KALRN: variants seen among roughly 807,000 people sequenced by gnomAD.
KALRN encodes the protein kalirin RhoGEF kinase.
A neutral mutation model predicts 353.7 loss-of-function variants in KALRN; 70 were observed. That is an observed-to-expected ratio of 0.20 (90% CI 0.16 to 0.24). The LOEUF (loss-of-function observed/expected upper bound fraction) is 0.24, where lower values mean the gene tolerates loss of function less well. Ranked by LOEUF, KALRN falls within the 10% of genes least tolerant of loss-of-function variation. The pLI is 1.00. For missense variants in KALRN, 2,791 were observed against 3,756.7 expected (o/e 0.74, Z 6.72); for synonymous variants, 1,391 against 1,434.8 (o/e 0.97, Z 0.69).
chr3:124,551,380 A>T (rs984485750), intron 33 of KALRN, among the ~76,000 whole-genome samples: 8 of 152,224 alleles, frequency 5.3e-5, no homozygotes, highest in Non-Finnish European at 1.0e-4. Context: ...TGACATGAAG[A>T]TGCTTTAAGA....
rs191211907 is a variant in KALRN, at chr3:124,304,436, C to T, written c.1092+5523C>T. ...AAGTTCCCCAAGTGATCTATATGCA[C>T]GTTAAATCAGAAAACTATTTCTCTA... On this transcript the variant is annotated intron_variant, in intron 6 of 59. Transcript: ENST00000682506. Among the ~76,000 whole-genome samples the T allele has an allele frequency of 1.2e-4, 19 of 152,146 alleles. No individual in the cohort carries two copies. In the East Asian group the frequency reaches 2.7e-3, roughly 22 times the overall value.
intron 17 of KALRN, among the ~76,000 whole-genome samples, chr3:124,438,602 T>A (rs2093560987): frequency 6.7e-6 from 1 of 149,690 alleles, no homozygotes; most frequent in Admixed American, 6.6e-5. Flanking sequence ...ACACTGAAAC[T>A]CCAAAGATAC....
At chr3:124,299,233 C>T (rs2077077358) in intron 6 of KALRN, among the ~76,000 whole-genome samples, 1 of 152,132 alleles carries the variant, frequency 6.6e-6, no homozygotes, top group South Asian at 2.1e-4. Context: ...TTTTGGTCCC[C>T]AGCATGTGTG....
chr3:124,352,071 T>C (rs890769311), intron 10 of KALRN, among the ~76,000 whole-genome samples: 1 of 152,220 alleles, frequency 6.6e-6, no homozygotes, highest in Non-Finnish European at 1.5e-5. Flanking sequence ...TCCCGGGCAC[T>C]GGCGGGAACC....
At chr3:124,449,579 T>G (rs2058579447) in intron 21 of KALRN, among the ~76,000 whole-genome samples, 2 of 152,224 alleles carry the variant, frequency 1.3e-5, no homozygotes, top group African/African-American at 4.8e-5. Context: ...GTTTTTCATT[T>G]TTTACAAATT....
At chr3:124,285,408 C>T (rs545330509) in intron 5 of KALRN, among the ~76,000 whole-genome samples, 1 of 152,138 alleles carries the variant, frequency 6.6e-6, no homozygotes, top group African/African-American at 2.4e-5. Context: ...ATAGTATACA[C>T]TATTATGGTG....
At chr3:124,600,339 A>C (rs983395497) in intron 34 of KALRN, among the ~76,000 whole-genome samples, 2 of 152,226 alleles carry the variant, frequency 1.3e-5, no homozygotes, top group Non-Finnish European at 2.9e-5. Flanking sequence ...TTCCAAAGTC[A>C]CAGATCCTTG....
chr3:124,136,489 T>TG (rs1553784714), intron 1 of KALRN, among the ~76,000 whole-genome samples: 103 of 149,948 alleles, frequency 6.9e-4, no homozygotes, highest in African/African-American at 2.4e-3. Flanking sequence ...ATTGCCAAGG[T>TG]CCCCCCCCCA....
At chr3:124,633,272 G>A (rs1017157083) in intron 35 of KALRN, among the ~76,000 whole-genome samples, 1 of 152,228 alleles carries the variant, frequency 6.6e-6, no homozygotes, top group Non-Finnish European at 1.5e-5. Context: ...CGCCCATACT[G>A]GAAGGTTTGA....
intron 9 of KALRN, among the ~76,000 whole-genome samples, chr3:124,337,326 C>T (rs1293691561): frequency 1.1e-5 from 1 of 93,954 alleles, no homozygotes; most frequent in Non-Finnish European, 2.1e-5. Flanking sequence ...TTTTGAGATA[C>T]CTAGTTTATT....
intron 39 of KALRN, among the ~76,000 whole-genome samples, chr3:124,656,287 A>C (rs1052321772): frequency 5.9e-5 from 9 of 151,986 alleles, no homozygotes; most frequent in Non-Finnish European, 1.5e-5. Flanking sequence ...TTAGAGCCCT[A>C]TTGTTAATCA....
chr3:124,197,817 A>G (rs551661118), intron 1 of KALRN, among the ~76,000 whole-genome samples: 9 of 152,234 alleles, frequency 5.9e-5, no homozygotes, highest in African/African-American at 2.2e-4. Flanking sequence ...TGTTCCTTCT[A>G]TCTGCCAGGT....
intron 37 of KALRN, among the ~76,000 whole-genome samples, chr3:124,648,197 T>C (rs1233801210): frequency 1.3e-5 from 2 of 152,200 alleles, no homozygotes; most frequent in East Asian, 3.8e-4. Flanking sequence ...CTTGAATTAT[T>C]ACAAGCATTA....
Position 124,555,093 on chromosome 3 carries a change from G to A in KALRN, c.4936-7750G>A, listed in dbSNP as rs139589329. ...CTTCCTGTTTTAGCCCCACCTGTAG[G>A]TCCATCCTCAGTGCCGTCTGGTGCT... On this transcript the variant is annotated intron_variant, in intron 33 of 59. Transcript: ENST00000682506. Among the ~76,000 whole-genome samples the A allele has an allele frequency of 5.3e-3, 805 of 152,206 alleles. 5 individuals carry two copies. The highest frequency in any genetic ancestry group is 6.8e-3 in the Middle Eastern group (2 of 294).
chr3:124,672,035 GCCT>G, intron 48 of KALRN, 137 bp downstream of exon 48: 2 of 711,672 alleles, frequency 2.8e-6, no homozygotes, highest in Non-Finnish European at 5.0e-6. Context: ...TGCAACCTCC[GCCT>G]CCCAGGTTCA....
intron 36 of KALRN, among the ~76,000 whole-genome samples, chr3:124,636,420 A>G (rs1204837563): frequency 1.3e-5 from 2 of 152,170 alleles, no homozygotes; most frequent in Non-Finnish European, 2.9e-5. Context: ...AAACAACCAC[A>G]TGGACAACTC....
intron 34 of KALRN, among the ~76,000 whole-genome samples, chr3:124,596,423 C>T (rs941193646): frequency 4.6e-5 from 7 of 151,964 alleles, no homozygotes; most frequent in African/African-American, 9.7e-5. Context: ...GCCAAAATCG[C>T]GCCATTGCAC....
rs56106611 is a variant in KALRN, at chr3:124,658,479, T to G, written c.6085T>G (p.Ser2029Ala). The change falls in exon 42 of 60, where the codon TCA becomes GCA. Residue 2029 changes from serine to alanine, a missense_variant. Coordinates refer to ENST00000682506, the MANE Select transcript of KALRN (RefSeq NM_001388419.1). Reference sequence around the variant, plus strand: ...GTGGTATTGTCAGAATAAGCCGCGCTCAGAGTACATCGTTGCTGAGTATGA... The same window carrying G: ...GTGGTATTGTCAGAATAAGCCGCGCGCAGAGTACATCGTTGCTGAGTATGA... ...YVWYCQNKPR[S>A]EYIVAEYDAY... The G allele has an allele frequency of 0.012, 19,000 of 1,614,064 alleles. 161 individuals carry two copies. The highest frequency in any genetic ancestry group is 0.014 in the Non-Finnish European group (17,047 of 1,179,916).
intron 34 of KALRN, among the ~76,000 whole-genome samples, chr3:124,620,573 G>T (rs1474234869): frequency 6.6e-6 from 1 of 152,220 alleles, no homozygotes; most frequent in East Asian, 1.9e-4. Flanking sequence ...AAGAGCAGCA[G>T]ATCTGCTTTC....
Sources: gnomAD v4.1 joint callset for allele counts (sites outside exome capture counted in the v4.1 genomes callset) on GRCh38, gnomAD v4.1.1 for gene constraint, MANE v1.5 for transcripts, NCBI Gene and HGNC (gene_info 2026-07-23, HGNC 2026-07-21) for gene names.